SEL1L2: variants seen among roughly 807,000 people sequenced by gnomAD.
SEL1L2 encodes the protein protein sel-1 homolog 2.
SEL1L2 carries 89 observed loss-of-function variants against 98.8 expected under a neutral mutation model. The ratio of observed to expected loss-of-function variants is 0.90; its 90% CI spans 0.76 to 1.07. The LOEUF (loss-of-function observed/expected upper bound fraction) is 1.07. Ranked by LOEUF, SEL1L2 falls within the 50% of genes least tolerant of loss-of-function variation. SEL1L2 has a pLI of 0.00. For missense variants in SEL1L2, 788 were observed against 812.0 expected (o/e 0.97, Z 0.36); for synonymous variants, 262 against 278.5 (o/e 0.94, Z 0.59).
chr20:13,963,095 GA>G lies in SEL1L2; in HGVS notation c.59-6965del. On this transcript the variant is annotated intron_variant, in intron 1 of 19. Transcript: ENST00000284951. Reference sequence around the variant, plus strand: ...AAAAAAAGAAGAGGAAGAAGAAGAAGAAAATATAAAAAAAAACTCTCTATTA... The same window carrying G: ...AAAAAAAGAAGAGGAAGAAGAAGAAGAAATATAAAAAAAAACTCTCTATTA... 4.5e-5 allele frequency among the ~76,000 whole-genome samples: 3 copies of G among 66,084 alleles called. No individual in the cohort carries two copies. In the South Asian group the frequency reaches 2.1e-3, roughly 47 times the overall value. The allele number at this position is 66,084 out of a possible 152,430, so 43.4% of individuals were successfully genotyped here. A position where few individuals can be genotyped will look rare whatever the true frequency, so the allele number is the denominator to read the frequency against.
intron 4 of SEL1L2, among the ~76,000 whole-genome samples, chr20:13,917,071 G>A (rs933357038): frequency 6.6e-6 from 1 of 152,042 alleles, no homozygotes; most frequent in Non-Finnish European, 1.5e-5. Context: ...GGTTTCCCTG[G>A]ACTTGATGTA....
chr20:13,928,524 C>T (rs2048993046), intron 3 of SEL1L2, among the ~76,000 whole-genome samples: 1 of 152,188 alleles, frequency 6.6e-6, no homozygotes, highest in South Asian at 2.1e-4. Context: ...CAAATAATTA[C>T]AATTACCCAC....
At chr20:13,975,672 A>G (rs180776070) in intron 1 of SEL1L2, among the ~76,000 whole-genome samples, 93 of 152,348 alleles carry the variant, frequency 6.1e-4, no homozygotes, top group Non-Finnish European at 1.2e-3. Context: ...AGCATCTACT[A>G]AATGCCAAGT....
chr20:13,922,948 A>C (rs1240830703), intron 3 of SEL1L2, among the ~76,000 whole-genome samples: 3 of 152,190 alleles, frequency 2.0e-5, no homozygotes, highest in African/African-American at 7.2e-5. Context: ...AGAGGTTTAG[A>C]GCTTTATAGG....
Position 13,849,537 on chromosome 20 carries a change from A to C in SEL1L2, c.2015T>G (p.Ile672Ser). 6.2e-7 allele frequency: 1 copy of C among 1,614,128 alleles called. No homozygotes were observed. Among genetic ancestry groups the C allele is most frequent in the Non-Finnish European group, 8.5e-7 (1 of 1,179,984 alleles). ...TIGPHWDLFVIGLIVPGLILL... is the reference protein window; with the variant it reads ...TIGPHWDLFVSGLIVPGLILL... Reference sequence around the variant, plus strand: ...AATCAGCCCAGGAACAATGAGGCCAATCACAAATAAGTCCCAGTGTGGTCC... The same window carrying C: ...AATCAGCCCAGGAACAATGAGGCCACTCACAAATAAGTCCCAGTGTGGTCC... Residue 672 changes from isoleucine to serine, a missense_variant, in exon 20 of 20, where the codon ATT (isoleucine) becomes AGT (serine). By Grantham distance (142) the Ile-to-Ser change is moderately radical. Transcript: ENST00000284951.
At chr20:13,959,508 C>T (rs538297135) in intron 1 of SEL1L2, among the ~76,000 whole-genome samples, 1 of 152,288 alleles carries the variant, frequency 6.6e-6, no homozygotes, top group Non-Finnish European at 1.5e-5. Flanking sequence ...CAATTCTTCT[C>T]CAGGACAAGG....
At chr20:13,915,025 G>A (rs745574128) in intron 4 of SEL1L2, 121 of 1,054,152 alleles carry the variant, frequency 1.1e-4, no homozygotes, top group Non-Finnish European at 1.4e-4. Flanking sequence ...ACCAGAAAGC[G>A]TTAACTTCTA....
At chr20:13,857,912 A>C (rs528496127) in intron 18 of SEL1L2, among the ~76,000 whole-genome samples, 4 of 152,316 alleles carry the variant, frequency 2.6e-5, no homozygotes, top group African/African-American at 9.6e-5. Flanking sequence ...ACTGAGGTGG[A>C]TAATGGGTGA....
chr20:13,907,789 A>T (rs2048027929), intron 5 of SEL1L2, among the ~76,000 whole-genome samples: 1 of 118,836 alleles, frequency 8.4e-6, no homozygotes. Flanking sequence ...TATTTGAGGG[A>T]CACGGTCTGG....
At chr20:13,895,103 T>C (rs2047365897) in intron 5 of SEL1L2, among the ~76,000 whole-genome samples, 3 of 152,110 alleles carry the variant, frequency 2.0e-5, no homozygotes, top group Non-Finnish European at 4.4e-5. Flanking sequence ...TTATACACCA[T>C]AACCAAGAGG....
intron 17 of SEL1L2, among the ~76,000 whole-genome samples, chr20:13,862,045 T>C (rs1171269573): frequency 1.3e-5 from 2 of 152,218 alleles, no homozygotes; most frequent in Admixed American, 6.5e-5. Context: ...CTCTCTTCCA[T>C]ATGAGGGCAG....
At chr20:13,891,663 C>CAAAAAAAAAAAAAAAAAAAAAAAAAAAA (rs61545047) in intron 5 of SEL1L2, among the ~76,000 whole-genome samples, 1 of 74,246 alleles carries the variant, frequency 1.3e-5, no homozygotes, top group Non-Finnish European at 2.4e-5. Context: ...AAGACTCCAT[C>CAAAAAAAAAAAAAAAAAAAAAAAAAAAA]AAAAAAAAAA....
intron 4 of SEL1L2, among the ~76,000 whole-genome samples, chr20:13,916,385 T>C (rs1444698506): frequency 6.6e-6 from 1 of 152,130 alleles, no homozygotes; most frequent in Non-Finnish European, 1.5e-5. Flanking sequence ...GCTGCACAGA[T>C]GTAACTTGTT....
intron 17 of SEL1L2, among the ~76,000 whole-genome samples, chr20:13,861,406 A>G (rs1990116827): frequency 1.3e-5 from 2 of 151,938 alleles, no homozygotes; most frequent in South Asian, 4.2e-4. Flanking sequence ...TCAGCCTCCC[A>G]AAGTGCTGGG....
chr20:13,874,437 G>A (rs912793202), intron 12 of SEL1L2, among the ~76,000 whole-genome samples: 2 of 152,068 alleles, frequency 1.3e-5, no homozygotes, highest in Non-Finnish European at 2.9e-5. Context: ...AAAGTAGCTC[G>A]GGTTCAGCGC....
chr20:13,944,519 G>A (rs1037829625), intron 2 of SEL1L2, among the ~76,000 whole-genome samples: 2 of 152,200 alleles, frequency 1.3e-5, no homozygotes, highest in Non-Finnish European at 2.9e-5. Context: ...GTGGATGAAG[G>A]AGCCATTTAC....
At chr20:13,853,382 AT>A (rs34049013) in intron 18 of SEL1L2, among the ~76,000 whole-genome samples, 182 of 142,650 alleles carry the variant, frequency 1.3e-3, no homozygotes, top group South Asian at 1.1e-3. Context: ...TGATTTTTGT[AT>A]TTTTTTTTTT....
intron 2 of SEL1L2, among the ~76,000 whole-genome samples, chr20:13,947,248 C>A (rs1052426169): frequency 1.3e-5 from 2 of 152,142 alleles, no homozygotes; most frequent in African/African-American, 4.8e-5. Context: ...CCCATAAAAA[C>A]CCCCGGACTC....
At chr20:13,962,345 C>T (rs1039264074) in intron 1 of SEL1L2, among the ~76,000 whole-genome samples, 1 of 152,302 alleles carries the variant, frequency 6.6e-6, no homozygotes, top group Admixed American at 6.5e-5. Context: ...CTTCAAATTC[C>T]AAGGCTAGTC....
Sources: gnomAD v4.1 joint callset for allele counts (sites outside exome capture counted in the v4.1 genomes callset) on GRCh38, gnomAD v4.1.1 for gene constraint, MANE v1.5 for transcripts, NCBI Gene and HGNC (gene_info 2026-07-23, HGNC 2026-07-21) for gene names.